The following RTL4 variants were observed in gnomAD, a reference collection of about 807,000 sequenced individuals.
RTL4 encodes retrotransposon Gag-like protein 4.
RTL4 carries 4 observed loss-of-function variants against 5.3 expected under a neutral mutation model. The ratio of observed to expected loss-of-function variants is 0.75; its 90% CI spans 0.37 to 1.72. The LOEUF (loss-of-function observed/expected upper bound fraction) is 1.72, where lower values mean the gene tolerates loss of function less well. RTL4 is among the 40% of genes most tolerant of loss of function. The pLI is 0.04. For missense variants in RTL4, 260 were observed against 227.1 expected (o/e 1.14, Z -0.93); for synonymous variants, 98 against 87.3 (o/e 1.12, Z -0.68).
chrX:112,323,189 T>C, the RTL4 span, among the ~76,000 whole-genome samples: 2 of 112,352 alleles, frequency 1.8e-5, no homozygotes, highest in Non-Finnish European at 3.8e-5. Flanking sequence ...ACTTTGTCAG[T>C]TTGATGGGTT....
At chrX:112,354,369 T>C in the RTL4 span, among the ~76,000 whole-genome samples, 5 of 111,423 alleles carry the variant, frequency 4.5e-5, no homozygotes, top group Admixed American at 1.9e-4. Context: ...ACCTTCCTCA[T>C]TGGGTTGTCA....
chrX:112,125,163 C>T, the RTL4 span, among the ~76,000 whole-genome samples: 1 of 109,882 alleles, frequency 9.1e-6, no homozygotes, highest in Non-Finnish European at 1.9e-5. Context: ...ACCTTGGCCT[C>T]CCAAAGTACT....
At chrX:112,333,904 T>C in the RTL4 span, among the ~76,000 whole-genome samples, 674 of 110,837 alleles carry the variant, frequency 6.1e-3, 2 homozygotes, top group African/African-American at 0.02. Flanking sequence ...CAATTCTTTC[T>C]ATTTTTTGTA....
the RTL4 span, among the ~76,000 whole-genome samples, chrX:112,429,499 G>A: frequency 9.1e-6 from 1 of 110,032 alleles, no homozygotes; most frequent in Non-Finnish European, 1.9e-5. Context: ...TATCATTGTT[G>A]TCATGTATTT....
At chrX:112,421,989 AC>A in the RTL4 span, among the ~76,000 whole-genome samples, 2 of 112,147 alleles carry the variant, frequency 1.8e-5, no homozygotes, top group African/African-American at 6.5e-5. Flanking sequence ...GTTTAGCCCA[AC>A]AAAAATATTG....
the RTL4 span, among the ~76,000 whole-genome samples, chrX:112,258,352 G>A: frequency 0.019 from 2,072 of 110,444 alleles, 57 homozygotes; most frequent in African/African-American, 0.064. Flanking sequence ...CTGCGGTGGC[G>A]GGTGTTGATA....
chrX:112,270,284 A>T, the RTL4 span, among the ~76,000 whole-genome samples: 6 of 112,628 alleles, frequency 5.3e-5, no homozygotes, highest in African/African-American at 1.6e-4. Flanking sequence ...CTAATGGATT[A>T]ATCAAAGTGC....
At chrX:112,153,085 A>G in the RTL4 span, among the ~76,000 whole-genome samples, 2 of 111,924 alleles carry the variant, frequency 1.8e-5, no homozygotes, top group Non-Finnish European at 1.9e-5. Context: ...TCTGCCCTCT[A>G]TTTTGATGAA....
chrX:112,334,913 G>T, the RTL4 span, among the ~76,000 whole-genome samples: 19 of 111,731 alleles, frequency 1.7e-4, no homozygotes, highest in African/African-American at 5.8e-4. Flanking sequence ...TCATAACAAT[G>T]TTGGTTGGAT....
At chrX:112,321,082 C>T in the RTL4 span, among the ~76,000 whole-genome samples, 1 of 110,963 alleles carries the variant, frequency 9.0e-6, no homozygotes, top group African/African-American at 3.3e-5. Flanking sequence ...CTATGTTGAG[C>T]AACAATTTGC....
the RTL4 span, among the ~76,000 whole-genome samples, chrX:112,244,563 C>T: frequency 1.8e-5 from 2 of 111,329 alleles, no homozygotes; most frequent in South Asian, 3.8e-4. Flanking sequence ...CTTCCTCCAT[C>T]GCTTTATTTT....
At chrX:112,256,723 A>G in the RTL4 span, among the ~76,000 whole-genome samples, 1 of 112,011 alleles carries the variant, frequency 8.9e-6, no homozygotes, top group South Asian at 3.7e-4. Context: ...TTTTCTTCAT[A>G]AGAGACTTAC....
chrX:112,170,845 C>T, the RTL4 span, among the ~76,000 whole-genome samples: 12 of 111,676 alleles, frequency 1.1e-4, no homozygotes, highest in African/African-American at 3.6e-4. Flanking sequence ...GCGTATGCTT[C>T]CAGCTTTTGC....
chrX:112,254,675 G>T, the RTL4 span, among the ~76,000 whole-genome samples: 1 of 110,334 alleles, frequency 9.1e-6, no homozygotes, highest in Non-Finnish European at 1.9e-5. Context: ...CAGGGGCGGG[G>T]GGCATTAAGA....
At chrX:112,169,605 C>T in the RTL4 span, among the ~76,000 whole-genome samples, 6 of 111,858 alleles carry the variant, frequency 5.4e-5, no homozygotes, top group African/African-American at 1.9e-4. Flanking sequence ...CGTCATCAAT[C>T]TACTGGCAAA....
the RTL4 span, among the ~76,000 whole-genome samples, chrX:112,178,321 C>G: frequency 9.0e-6 from 1 of 111,616 alleles, no homozygotes; most frequent in Non-Finnish European, 1.9e-5. Context: ...AGTAGATCTT[C>G]TCACATGATG....
chrX:112,289,743 T>G, the RTL4 span, among the ~76,000 whole-genome samples: 6 of 105,730 alleles, frequency 5.7e-5, no homozygotes, highest in African/African-American at 2.1e-4. Context: ...TTACGTACTA[T>G]GTGCATGTGT....
the RTL4 span, among the ~76,000 whole-genome samples, chrX:112,293,724 G>C: frequency 8.9e-6 from 1 of 111,941 alleles, no homozygotes; most frequent in African/African-American, 3.2e-5. Flanking sequence ...TGTTGCTAAG[G>C]TTGCATTGTT....
At chrX:112,216,572 T>A in the RTL4 span, among the ~76,000 whole-genome samples, 37 of 111,726 alleles carry the variant, frequency 3.3e-4, no homozygotes, top group African/African-American at 1.2e-3. Context: ...ATATAAAAAC[T>A]ACTTTAAAAT....
Sources: gnomAD v4.1 joint callset for allele counts (sites outside exome capture counted in the v4.1 genomes callset) on GRCh38, gnomAD v4.1.1 for gene constraint, MANE v1.5 for transcripts, NCBI Gene and HGNC (gene_info 2026-07-23, HGNC 2026-07-21) for gene names.